EHMT1: variants seen among roughly 807,000 people sequenced by gnomAD.
EHMT1 encodes euchromatic histone lysine methyltransferase 1, also known as histone-lysine N-methyltransferase EHMT1.
In EHMT1, 15 loss-of-function variants were observed where a neutral mutation model predicts 147.2. The ratio of observed to expected loss-of-function variants is 0.10; its 90% confidence interval spans 0.07 to 0.16. The LOEUF is 0.16. EHMT1 is among the 10% of genes least tolerant of loss of function. EHMT1 has a pLI of 1.00. For synonymous variants in EHMT1, 795 were observed against 709.6 expected, an observed-to-expected ratio of 1.12 and a Z score of -1.91; for missense variants, 1,587 against 1,772.4, an observed-to-expected ratio of 0.90 and a Z score of 1.88.
chr9:137,814,613 C>G, intron 22 of EHMT1, 105 bp downstream of exon 22: 1 of 1,348,206 alleles, frequency 7.4e-7, no homozygotes, highest in Non-Finnish European at 1.0e-6. Flanking sequence ...GTGGCAGCGT[C>G]GGGAAGGAGT....
At chr9:137,783,298 G>A (rs934201905) in intron 15 of EHMT1, among the ~76,000 whole-genome samples, 6 of 152,318 alleles carry the variant, frequency 3.9e-5, no homozygotes, top group Admixed American at 2.0e-4. Flanking sequence ...ATTTCCTGCC[G>A]TGGTCTGTTT....
At chr9:137,744,170 G>C (rs1261346290) in intron 6 of EHMT1, 80 bp downstream of exon 6, 2 of 1,477,256 alleles carry the variant, frequency 1.4e-6, no homozygotes, top group Non-Finnish European at 1.9e-6. Context: ...TAACAGTCTG[G>C]TCACTTCTAG....
intron 9 of EHMT1, among the ~76,000 whole-genome samples, chr9:137,759,573 G>T (rs972026150): frequency 6.6e-6 from 1 of 152,246 alleles, no homozygotes; most frequent in Non-Finnish European, 1.5e-5. Flanking sequence ...ACACAAAGCC[G>T]GAGGAGAAAT....
Position 137,816,011 on chromosome 9 carries a change from C to T in EHMT1, c.3323C>T (p.Ala1108Val). ...EPPLIFECNH[A>V]CSCWRNCRNR... ...CCCTTGATCTTCGAATGCAACCACG[C>T]GTGCTCCTGCTGGAGGAACTGCCGA... Residue 1108 changes from alanine (A) to valine (V), a missense_variant, in exon 23 of 27, where the codon GCG becomes GTG. Ala to Val is a moderately conservative substitution (Grantham distance 64, BLOSUM62 0). Transcript: ENST00000460843. The T allele has an allele frequency of 6.2e-7, 1 of 1,613,154 alleles. No individual in the cohort carries two copies.
Position 137,711,033 on chromosome 9 carries a change from G to T in EHMT1, c.85+3G>T, listed in dbSNP as rs1230046462. ...GAAAACCGAGCTGCTGGGAGAAGGT[G>T]AGGGCGGTGTGCACCGAGGGACAGG... is the stretch of plus-strand genomic sequence containing the variant. On this transcript the variant is annotated splice_donor_region_variant and intron_variant, in intron 2 of 26. Coordinates refer to ENST00000460843, the MANE Select transcript of EHMT1 (RefSeq NM_024757.5). The T allele has an allele frequency of 1.9e-6, 3 of 1,589,094 alleles. No homozygotes were observed. Among genetic ancestry groups the T allele is most frequent in the Admixed American group, 1.8e-5 (1 of 56,298 alleles).
chr9:137,835,001 G>C lies in EHMT1; in HGVS notation c.*48G>C, dbSNP rs1327085628. ...CTCGGGAGCCAGGGACCGCCGCGTCGCCGATTAGAGGACGAGGAGGAGAGA... is the reference window on the plus strand; with the variant it reads ...CTCGGGAGCCAGGGACCGCCGCGTCCCCGATTAGAGGACGAGGAGGAGAGA... On this transcript the variant is annotated 3_prime_UTR_variant, in exon 27 of 27. Coordinates refer to ENST00000460843, the MANE Select transcript of EHMT1 (RefSeq NM_024757.5). The C allele has an allele frequency of 7.3e-7, 1 of 1,364,530 alleles. No homozygotes were observed. Among genetic ancestry groups the C allele is most frequent in the Non-Finnish European group, 9.4e-7 (1 of 1,065,782 alleles). The allele number at this position is 1,364,530 out of a possible 1,614,324, so 84.5% of individuals were successfully genotyped here. A position where few individuals can be genotyped will look rare whatever the true frequency, so the allele number is the denominator to read the frequency against.
At chr9:137,633,072 A>G (rs1191282644) in intron 1 of EHMT1, among the ~76,000 whole-genome samples, 1 of 152,166 alleles carries the variant, frequency 6.6e-6, no homozygotes, top group South Asian at 2.1e-4. Flanking sequence ...AGGAGGGCAC[A>G]AGGATGACTT....
intron 1 of EHMT1, among the ~76,000 whole-genome samples, chr9:137,677,246 GTC>G (rs1941446811): frequency 1.3e-5 from 2 of 151,984 alleles, no homozygotes; most frequent in Admixed American, 6.6e-5. Flanking sequence ...CGATTCTCCT[GTC>G]TCAGTCTCCC....
intron 1 of EHMT1, among the ~76,000 whole-genome samples, chr9:137,688,415 A>C (rs953957815): frequency 6.6e-6 from 1 of 152,162 alleles, no homozygotes; most frequent in African/African-American, 2.4e-5. Context: ...ATACCTTGCC[A>C]CGCTGCTGGA....
intron 13 of EHMT1, among the ~76,000 whole-genome samples, chr9:137,778,875 C>A (rs771576665): frequency 1.3e-5 from 2 of 152,172 alleles, no homozygotes; most frequent in East Asian, 3.9e-4. Flanking sequence ...CTTGGGAGGC[C>A]TCAGGAAGCT....
At chr9:137,739,179 G>A (rs1309803908) in intron 4 of EHMT1, among the ~76,000 whole-genome samples, 1 of 151,582 alleles carries the variant, frequency 6.6e-6, no homozygotes, top group Non-Finnish European at 1.5e-5. Context: ...AGACCATCCT[G>A]GCTAACACGG....
At chr9:137,670,503 G>A (rs1339028341) in intron 1 of EHMT1, among the ~76,000 whole-genome samples, 3 of 152,084 alleles carry the variant, frequency 2.0e-5, no homozygotes, top group Non-Finnish European at 4.4e-5. Context: ...CCACGTGCGA[G>A]CTCCGTTTCC....
In EHMT1 at chr9:137,811,544, C is replaced by T; in HGVS notation, c.2796C>T (p.Leu932=). ...AEILLAAKCD[L]HAVNIHGDSP... is the part of the protein sequence containing the mutation. ...TCCTGCTGGCTGCCAAGTGCGACCT[C>T]CACGCCGTGAACATCCACGGAGACT... The change falls in exon 19 of 27, where the codon CTC becomes CTT. Residue 932 remains leucine (L), a synonymous_variant. Transcript: ENST00000460843. 1 of 1,609,840 alleles carries T rather than the reference C, an allele frequency of 6.2e-7. No individual in the cohort carries two copies. The highest frequency in any genetic ancestry group is 2.2e-5 in the East Asian group (1 of 44,884).
At chr9:137,721,039 C>G (rs1945907186) in intron 3 of EHMT1, among the ~76,000 whole-genome samples, 1 of 151,946 alleles carries the variant, frequency 6.6e-6, no homozygotes, top group South Asian at 2.1e-4. Context: ...TAGCTCTTAC[C>G]CACTTTTTAT....
intron 16 of EHMT1, among the ~76,000 whole-genome samples, chr9:137,795,998 A>G (rs965528642): frequency 2.6e-5 from 4 of 152,256 alleles, no homozygotes; most frequent in African/African-American, 7.2e-5. Context: ...ACAGATGCCA[A>G]CCTCACCCTG....
intron 1 of EHMT1, among the ~76,000 whole-genome samples, chr9:137,634,656 C>T (rs1316989015): frequency 1.4e-5 from 2 of 147,534 alleles, no homozygotes; most frequent in East Asian, 2.0e-4. Context: ...AGATTGGGTC[C>T]CTTGCTTGCT....
Position 137,731,934 on chromosome 9 carries a change from C to T in EHMT1, c.823+3405C>T, listed in dbSNP as rs914971426. Reference sequence around the variant, plus strand: ...TACCACAAGCAGTTTACACTGCAGGCGCTGGCGTCTAGATGAGGGGAACAC... The same window carrying T: ...TACCACAAGCAGTTTACACTGCAGGTGCTGGCGTCTAGATGAGGGGAACAC... On this transcript the variant is annotated intron_variant, in intron 4 of 26. Transcript: ENST00000460843. The surrounding 1 kb of genome is among the most constrained non-coding windows in gnomAD (Gnocchi z 4.3). Among the ~76,000 whole-genome samples, 59 of 152,188 alleles carry T rather than the reference C, an allele frequency of 3.9e-4. No homozygotes were observed. The highest frequency in any genetic ancestry group is 1.3e-3 in the African/African-American group (54 of 41,450).
In EHMT1 at chr9:137,834,481, G is replaced by A. The variant is rs1205210407; in HGVS notation, c.3673G>A (p.Ala1225Thr). 2 of 1,612,288 alleles carry A rather than the reference G, an allele frequency of 1.2e-6. No homozygotes were observed. Among genetic ancestry groups the A allele is most frequent in the African/African-American group, 1.3e-5 (1 of 74,912 alleles). ...CCAGGACCTGCGGTTCCCCCGGATC[G>A]CCTTCTTCAGCACCCGCCTGATCGA... ...AHQDLRFPRI[A>T]FFSTRLIEAG... Residue 1225 changes from alanine (A) to threonine (T), a missense_variant, in exon 26 of 27, where the codon GCC (alanine) becomes ACC (threonine). Ala to Thr is a moderately conservative substitution (Grantham distance 58, BLOSUM62 0). Around this residue, in one of 7 missense-constraint regions of EHMT1, gnomAD observed 141 missense variants for 150.8 expected, o/e 0.94. Coordinates refer to ENST00000460843, the MANE Select transcript of EHMT1 (RefSeq NM_024757.5).
chr9:137,678,944 A>G (rs1362112482), intron 1 of EHMT1, among the ~76,000 whole-genome samples: 2 of 151,892 alleles, frequency 1.3e-5, no homozygotes, highest in Admixed American at 6.6e-5. Context: ...TTGTTTATTT[A>G]TCTTATTTTA....
Sources: allele counts gnomAD v4.1 joint callset (sites outside exome capture counted in the v4.1 genomes callset), GRCh38; gene constraint gnomAD v4.1.1; regional missense constraint gnomAD v4.1.1; non-coding constraint Gnocchi (gnomAD v3.1); transcripts MANE v1.5; gene names NCBI Gene and HGNC (gene_info 2026-07-23, HGNC 2026-07-21).